Variants in TRDN observed in about 807,000 individuals in gnomAD.
TRDN encodes the protein triadin in skeletal muscle.
Under a neutral mutation model 149.7 loss-of-function variants are expected in TRDN, and 161 were observed. The observed-to-expected ratio is 1.08, with a 90% CI of 0.95 to 1.23. The LOEUF (loss-of-function observed/expected upper bound fraction) is 1.23. Among genes scored for constraint, TRDN ranks in the 50% most tolerant of loss-of-function variants. TRDN has a pLI of 0.00. For synonymous variants in TRDN, 294 were observed against 250.5 expected, an observed-to-expected ratio of 1.17 and a Z score of -1.64; for missense variants, 896 against 823.5, an observed-to-expected ratio of 1.09 and a Z score of -1.08.
At chr6:123,634,572 A>G (rs1018238220) in intron 1 of TRDN, among the ~76,000 whole-genome samples, 2 of 152,014 alleles carry the variant, frequency 1.3e-5, no homozygotes, top group East Asian at 3.9e-4. Flanking sequence ...AAAAGACTGG[A>G]GGAAGACAAT....
intron 1 of TRDN, among the ~76,000 whole-genome samples, chr6:123,627,864 C>A (rs770727816): frequency 1.3e-5 from 2 of 152,152 alleles, no homozygotes; most frequent in African/African-American, 2.4e-5. Flanking sequence ...TTTTCTTAAA[C>A]CTCATGAACC....
intron 20 of TRDN, 97 bp from the exon 21 acceptor site, chr6:123,352,683 TC>T (rs752788473): frequency 2.8e-6 from 4 of 1,452,136 alleles, no homozygotes; most frequent in Non-Finnish European, 2.7e-6. Flanking sequence ...GCTAAATCTT[TC>T]TTTTACACAA....
At position 123,614,955 on chromosome 6, in the gene TRDN, A is replaced by T. The variant is rs77855337; in HGVS notation, c.22+21799T>A. On this transcript the variant is annotated intron_variant, in intron 1 of 40. Coordinates refer to ENST00000334268, the MANE Select transcript of TRDN (RefSeq NM_006073.4). ...AGAAACTCAAACAATAGCAAAAACA[A>T]ATAATAAACAAATAGTGTGATTAAA... 2.3e-3 allele frequency among the ~76,000 whole-genome samples: 347 copies of T among 152,312 alleles called. 5 individuals carry two copies. The highest frequency in any genetic ancestry group is 5.1e-3 in the Admixed American group (78 of 15,288).
chr6:123,530,231 T>A (rs1426864886), intron 5 of TRDN, among the ~76,000 whole-genome samples: 4 of 152,066 alleles, frequency 2.6e-5, no homozygotes, highest in Non-Finnish European at 1.5e-5. Flanking sequence ...TCAATATGTA[T>A]TTGAGCTACT....
chr6:123,530,040 T>C (rs1780160534), intron 5 of TRDN, among the ~76,000 whole-genome samples: 2 of 152,024 alleles, frequency 1.3e-5, no homozygotes, highest in African/African-American at 4.8e-5. Context: ...CTTGAGGCTG[T>C]GCAGGAGAGC....
At chr6:123,493,672 T>C (rs958871033) in intron 9 of TRDN, among the ~76,000 whole-genome samples, 17 of 152,148 alleles carry the variant, frequency 1.1e-4, no homozygotes, top group African/African-American at 1.4e-4. Flanking sequence ...AATACAGGTG[T>C]TACACTAATC....
chr6:123,242,088 G>T (rs1776009367), intron 38 of TRDN, among the ~76,000 whole-genome samples: 2 of 152,034 alleles, frequency 1.3e-5, no homozygotes, highest in South Asian at 4.1e-4. Flanking sequence ...TAAATATCTT[G>T]CCAGGGCCAT....
intron 40 of TRDN, among the ~76,000 whole-genome samples, chr6:123,219,078 T>C (rs1415957228): frequency 1.3e-5 from 2 of 151,926 alleles, no homozygotes; most frequent in African/African-American, 2.4e-5. Flanking sequence ...TTGATGTGCA[T>C]AGCAATCATA....
intron 7 of TRDN, among the ~76,000 whole-genome samples, chr6:123,504,462 C>A (rs1448696644): frequency 1.3e-5 from 2 of 152,018 alleles, no homozygotes; most frequent in East Asian, 3.9e-4. Flanking sequence ...ACAATGAAAT[C>A]CATTAGAAGA....
chr6:123,605,640 T>G (rs2114663420), intron 1 of TRDN, among the ~76,000 whole-genome samples: 1 of 151,358 alleles, frequency 6.6e-6, no homozygotes, highest in South Asian at 2.1e-4. Context: ...TTGTATAGAC[T>G]TATAACCCAG....
At chr6:123,347,321 T>C (rs1780291722) in intron 21 of TRDN, among the ~76,000 whole-genome samples, 1 of 152,098 alleles carries the variant, frequency 6.6e-6, no homozygotes, top group Admixed American at 6.6e-5. Flanking sequence ...ACACAGTTGT[T>C]ATCTACATTA....
rs1473134540 is a variant in TRDN at position 123,266,618 on chromosome 6, TA to T, written c.1783+1088del. On this transcript the variant is annotated intron_variant, in intron 32 of 40. Coordinates refer to ENST00000334268, the MANE Select transcript of TRDN (RefSeq NM_006073.4). ...TATATATTATAATATGTATTATATA[TA>T]ATATATATTATAATATGTATTATAT... is the stretch of plus-strand genomic sequence containing the variant. 6.6e-4 allele frequency among the ~76,000 whole-genome samples: 8 copies of T among 12,134 alleles called. 1 individual carries two copies. Among genetic ancestry groups the T allele is most frequent in the African/African-American group, 6.4e-3 (8 of 1,250 alleles). The allele number at this position is 12,134 out of a possible 152,430, so 8.0% of individuals were successfully genotyped here.
chr6:123,290,229 A>G (rs1024896711), intron 24 of TRDN, among the ~76,000 whole-genome samples: 1 of 152,034 alleles, frequency 6.6e-6, no homozygotes, highest in Non-Finnish European at 1.5e-5. Flanking sequence ...CTATTGAGGC[A>G]AACAAAATTT....
chr6:123,252,730 C>T (rs1021839610), intron 37 of TRDN, among the ~76,000 whole-genome samples: 3 of 152,106 alleles, frequency 2.0e-5, no homozygotes, highest in Admixed American at 1.3e-4. Context: ...AAGCAATCCT[C>T]CCTCCTCTGC....
At chr6:123,388,009 G>T (rs1320347460) in intron 14 of TRDN, among the ~76,000 whole-genome samples, 1 of 151,622 alleles carries the variant, frequency 6.6e-6, no homozygotes, top group Non-Finnish European at 1.5e-5. Context: ...CTCCAATATT[G>T]CATATTGATT....
intron 15 of TRDN, 37 bp downstream of exon 15, chr6:123,382,081 C>A: frequency 7.0e-7 from 1 of 1,438,678 alleles, no homozygotes; most frequent in Non-Finnish European, 9.2e-7. Flanking sequence ...CATGGTTCAT[C>A]AAACATAAGG....
intron 2 of TRDN, among the ~76,000 whole-genome samples, chr6:123,554,347 T>C (rs1356305529): frequency 2.0e-5 from 3 of 152,180 alleles, no homozygotes; most frequent in Non-Finnish European, 4.4e-5. Context: ...ATGTACAATA[T>C]TCTAAGTGTA....
chr6:123,379,089 T>A (rs1781619041), intron 16 of TRDN, among the ~76,000 whole-genome samples: 1 of 152,180 alleles, frequency 6.6e-6, no homozygotes, highest in Non-Finnish European at 1.5e-5. Context: ...TATCTGATAT[T>A]TTAAAGAAGA....
intron 39 of TRDN, 60 bp downstream of exon 39, chr6:123,224,033 G>T (rs371036744): frequency 1.1e-5 from 15 of 1,417,854 alleles, no homozygotes; most frequent in Non-Finnish European, 1.3e-5. Flanking sequence ...AAAAAAGACA[G>T]ACAAAAACCT....
Sources: gnomAD v4.1 joint callset for allele counts (sites outside exome capture counted in the v4.1 genomes callset) on GRCh38, gnomAD v4.1.1 for gene constraint, MANE v1.5 for transcripts, NCBI Gene and HGNC (gene_info 2026-07-23, HGNC 2026-07-21) for gene names.